The following LRRC3B variants were observed in gnomAD, a reference collection of about 807,000 sequenced individuals.
LRRC3B encodes the protein leucine rich repeat containing 3B.
LRRC3B carries 2 observed loss-of-function variants against 12.8 expected under a neutral mutation model. The ratio of observed to expected loss-of-function variants is 0.16; its 90% CI spans 0.06 to 0.49. LRRC3B has a LOEUF of 0.49. Among genes scored for constraint, LRRC3B ranks in the 20% least tolerant of loss-of-function variants. The probability of loss-of-function intolerance (pLI) is 0.96; values close to 1 mark genes in which losing one functional copy is unlikely to be tolerated. For missense variants in LRRC3B, 189 were observed against 319.4 expected (o/e 0.59, Z 3.11); for synonymous variants, 132 against 122.0 (o/e 1.08, Z -0.54).
chr3:26,665,772 G>A (rs963307272), intron 1 of LRRC3B, among the ~76,000 whole-genome samples: 3 of 152,066 alleles, frequency 2.0e-5, no homozygotes, highest in Non-Finnish European at 2.9e-5. Flanking sequence ...CTAAAAGAAA[G>A]TTTTCTTCAC....
intron 1 of LRRC3B, among the ~76,000 whole-genome samples, chr3:26,685,515 CTCTCTCTCTATATA>C (rs1384149553): frequency 4.6e-4 from 25 of 53,780 alleles, no homozygotes; most frequent in African/African-American, 1.4e-3. Context: ...CTCTCTCTCT[CTCTCTCTCTATATA>C]TATATATATA....
At chr3:26,709,785 G>A (rs1052976295) in exon 2 of LRRC3B, 1 of 1,614,124 alleles carries the variant, frequency 6.2e-7, no homozygotes, top group African/African-American at 1.3e-5. Flanking sequence ...CCCAAGGGCT[G>A]TCTTTGTTCT....
chr3:26,693,453 C>A (rs1700236144), intron 1 of LRRC3B, among the ~76,000 whole-genome samples: 1 of 151,916 alleles, frequency 6.6e-6, no homozygotes, highest in Non-Finnish European at 1.5e-5. Context: ...CCTCAACAGT[C>A]CCAATCTAGA....
At chr3:26,661,519 C>A (rs760627801) in intron 1 of LRRC3B, among the ~76,000 whole-genome samples, 2 of 152,028 alleles carry the variant, frequency 1.3e-5, no homozygotes, top group Non-Finnish European at 2.9e-5. Flanking sequence ...TCCCTTTATA[C>A]CCTATTTTAA....
intron 1 of LRRC3B, among the ~76,000 whole-genome samples, chr3:26,659,120 T>C (rs1471327027): frequency 1.3e-5 from 2 of 152,214 alleles, no homozygotes; most frequent in African/African-American, 4.8e-5. Flanking sequence ...ATAACAGCCA[T>C]ATGTATGCTG....
Position 26,702,000 on chromosome 3 carries a change from C to T in LRRC3B, c.-160-7513C>T, listed in dbSNP as rs115530303. 6.4e-4 allele frequency among the ~76,000 whole-genome samples: 97 copies of T among 152,168 alleles called. No homozygotes were observed. In the Middle Eastern group the frequency reaches 0.021, roughly 32 times the overall value. ...ACAAATACCTGATGTGTAATAAATG[C>T]CAAGCAAATGATAGCTGTGTTATAA... On this transcript the variant is annotated intron_variant, in intron 1 of 1. Transcript: ENST00000396641.
At chr3:26,683,591 A>G (rs776432181) in intron 1 of LRRC3B, among the ~76,000 whole-genome samples, 1 of 152,232 alleles carries the variant, frequency 6.6e-6, no homozygotes, top group East Asian at 1.9e-4. Flanking sequence ...GTCCTTGTCC[A>G]TGAGGTTAGG....
At chr3:26,686,601 C>G (rs983074575) in intron 1 of LRRC3B, among the ~76,000 whole-genome samples, 1 of 151,962 alleles carries the variant, frequency 6.6e-6, no homozygotes, top group Non-Finnish European at 1.5e-5. Context: ...AGTAAATATT[C>G]AGCTCAGAAA....
intron 1 of LRRC3B, among the ~76,000 whole-genome samples, chr3:26,700,378 T>A (rs905971370): frequency 6.6e-6 from 1 of 152,120 alleles, no homozygotes; most frequent in Non-Finnish European, 1.5e-5. Context: ...TAGAAACCAA[T>A]GCATGTTAAA....
At chr3:26,671,365 TATATATATAG>T (rs1354242423) in intron 1 of LRRC3B, among the ~76,000 whole-genome samples, 2 of 43,448 alleles carry the variant, frequency 4.6e-5, no homozygotes, top group South Asian at 9.0e-4. Context: ...TATATATATA[TATATATATAG>T]AGAGAGAGAG....
intron 1 of LRRC3B, among the ~76,000 whole-genome samples, chr3:26,671,237 G>C (rs1324211542): frequency 6.9e-6 from 1 of 144,012 alleles, no homozygotes. Context: ...GGATGGTCTC[G>C]ATCTCCTGAC....
intron 1 of LRRC3B, among the ~76,000 whole-genome samples, chr3:26,655,439 A>G (rs964902672): frequency 2.0e-5 from 3 of 152,206 alleles, no homozygotes; most frequent in African/African-American, 7.2e-5. Flanking sequence ...ACTATTAGTA[A>G]AAGCCAAACT....
intron 1 of LRRC3B, among the ~76,000 whole-genome samples, chr3:26,708,878 C>A (rs1700673945): frequency 6.6e-6 from 1 of 152,116 alleles, no homozygotes; most frequent in African/African-American, 2.4e-5. Flanking sequence ...TCTGGAAATT[C>A]AGTTAAAAGC....
intron 1 of LRRC3B, among the ~76,000 whole-genome samples, chr3:26,696,623 A>G (rs1245681130): frequency 2.0e-5 from 3 of 152,138 alleles, no homozygotes; most frequent in Non-Finnish European, 4.4e-5. Context: ...TCACTGTTAG[A>G]CTTGTCTTTG....
chr3:26,674,623 A>G (rs1189713304), intron 1 of LRRC3B, among the ~76,000 whole-genome samples: 3 of 152,232 alleles, frequency 2.0e-5, no homozygotes. Flanking sequence ...TCTTATGCCT[A>G]GCACCAAACA....
chr3:26,630,632 T>C (rs1462588003), intron 1 of LRRC3B, among the ~76,000 whole-genome samples: 1 of 152,182 alleles, frequency 6.6e-6, no homozygotes, highest in East Asian at 1.9e-4. Flanking sequence ...GTATGGCTAC[T>C]ATTGAGGTTT....
chr3:26,676,991 G>A (rs1166201347), intron 1 of LRRC3B, among the ~76,000 whole-genome samples: 1 of 152,098 alleles, frequency 6.6e-6, no homozygotes, highest in Non-Finnish European at 1.5e-5. Flanking sequence ...TATAAAGCAG[G>A]GTTGGGCAAG....
intron 1 of LRRC3B, chr3:26,625,372 A>T (rs1474601316): frequency 6.6e-6 from 1 of 152,236 alleles, no homozygotes; most frequent in Non-Finnish European, 1.5e-5. Context: ...AGCGGTGGCA[A>T]ACTCCAGAGC....
At chr3:26,697,248 A>G (rs1161019484) in intron 1 of LRRC3B, among the ~76,000 whole-genome samples, 2 of 152,160 alleles carry the variant, frequency 1.3e-5, no homozygotes, top group Non-Finnish European at 2.9e-5. Context: ...CAAAAAATCA[A>G]TTTTGGGGGT....
Sources: allele counts gnomAD v4.1 joint callset (sites outside exome capture counted in the v4.1 genomes callset), GRCh38; gene constraint gnomAD v4.1.1; transcripts MANE v1.5; gene names NCBI Gene and HGNC (gene_info 2026-07-23, HGNC 2026-07-21).